Variants in FARP1 observed in about 807,000 individuals in gnomAD.
FARP1 encodes FERM, ARHGEF and pleckstrin domain-containing protein 1.
In FARP1, 52 loss-of-function variants were observed where a neutral mutation model predicts 128.8. The observed-to-expected ratio is 0.40, with a 90% CI of 0.32 to 0.51. FARP1 has a LOEUF of 0.51. Among genes scored for constraint, FARP1 ranks in the 20% least tolerant of loss-of-function variants. FARP1 has a pLI of 0.45. For missense variants in FARP1, 1,333 were observed against 1,367.9 expected, an observed-to-expected ratio of 0.97 and a Z score of 0.40; for synonymous variants, 580 against 551.8, an observed-to-expected ratio of 1.05 and a Z score of -0.72.
chr13:98,325,892 G>A (rs1040144193), intron 2 of FARP1, among the ~76,000 whole-genome samples: 14 of 152,176 alleles, frequency 9.2e-5, no homozygotes, highest in Non-Finnish European at 1.5e-4. Flanking sequence ...CCAAGACTCC[G>A]CAACAGCCAC....
chr13:98,166,243 G>C (rs2139146978), intron 1 of FARP1, among the ~76,000 whole-genome samples: 1 of 152,184 alleles, frequency 6.6e-6, no homozygotes, highest in African/African-American at 2.4e-5. Context: ...TATTTTGCTG[G>C]TCTAAATGAC....
chr13:98,301,697 G>C (rs1252516553), intron 2 of FARP1, among the ~76,000 whole-genome samples: 1 of 152,134 alleles, frequency 6.6e-6, no homozygotes, highest in African/African-American at 2.4e-5. Flanking sequence ...CTTTTGGGGG[G>C]AAATCAAGTC....
chr13:98,241,358 A>T (rs949056138), intron 2 of FARP1, among the ~76,000 whole-genome samples: 1 of 151,826 alleles, frequency 6.6e-6, no homozygotes, highest in African/African-American at 2.4e-5. Context: ...GGGCATTTTG[A>T]TGGGCAAGGC....
At chr13:98,310,758 G>A (rs745339035) in intron 2 of FARP1, among the ~76,000 whole-genome samples, 1 of 152,088 alleles carries the variant, frequency 6.6e-6, no homozygotes, top group Non-Finnish European at 1.5e-5. Flanking sequence ...AAGAAAGACA[G>A]TATTTTTGAG....
At chr13:98,189,391 A>C (rs1879084310) in intron 1 of FARP1, among the ~76,000 whole-genome samples, 1 of 152,126 alleles carries the variant, frequency 6.6e-6, no homozygotes, top group Non-Finnish European at 1.5e-5. Context: ...GGACTGTTTC[A>C]GACCAAGTTC....
intron 1 of FARP1, among the ~76,000 whole-genome samples, chr13:98,166,987 A>G (rs1877310995): frequency 6.6e-6 from 1 of 152,146 alleles, no homozygotes; most frequent in Admixed American, 6.5e-5. Context: ...TCGGCCTCCC[A>G]AAGTTCTGGG....
chr13:98,408,329 T>A (rs1891056010), intron 13 of FARP1, among the ~76,000 whole-genome samples: 1 of 143,804 alleles, frequency 7.0e-6, no homozygotes, highest in Non-Finnish European at 1.5e-5. Flanking sequence ...ATACTTTTTT[T>A]TTTTTTTTTT....
intron 19 of FARP1, among the ~76,000 whole-genome samples, chr13:98,438,352 C>A (rs141374338): frequency 6.6e-6 from 1 of 152,252 alleles, no homozygotes; most frequent in East Asian, 1.9e-4. Flanking sequence ...TTTTTATAGC[C>A]TCTTTCTTCT....
At chr13:98,336,638 G>A (rs1232485607) in intron 2 of FARP1, among the ~76,000 whole-genome samples, 1 of 152,172 alleles carries the variant, frequency 6.6e-6, no homozygotes, top group East Asian at 1.9e-4. Flanking sequence ...AGCTTGAAGC[G>A]CTGTGTGAAC....
rs746029827 is a variant in FARP1 at position 98,440,774 on chromosome 13, G to T, written c.2734G>T (p.Val912Leu). 1.9e-6 allele frequency: 3 copies of T among 1,613,216 alleles called. No homozygotes were observed. Among genetic ancestry groups the T allele is most frequent in the Admixed American group, 3.3e-5 (2 of 59,994 alleles). ...RQAPHRGNTM[V>L]HVCWHRNTSV... ...GGCCCCGCACCGCGGCAACACAATG[G>T]TGCACGTGTGCTGGCACCGCAACAC... is the stretch of plus-strand genomic sequence containing the variant. Residue 912 changes from valine to leucine, a missense_variant, in exon 24 of 27, where the codon GTG (valine) becomes TTG (leucine). By Grantham distance (32) the Val-to-Leu change is conservative. This residue lies in a region of FARP1 where 1,009 missense variants were observed against 969.8 expected (regional missense o/e 1.04). Transcript: ENST00000319562.
intron 1 of FARP1, among the ~76,000 whole-genome samples, chr13:98,164,682 T>C (rs896517205): frequency 3.3e-5 from 5 of 152,346 alleles, no homozygotes; most frequent in East Asian, 1.9e-4. Context: ...TTCATTGTTG[T>C]TCTGGCTTCC....
intron 1 of FARP1, among the ~76,000 whole-genome samples, chr13:98,192,170 A>G (rs1477944229): frequency 1.3e-5 from 2 of 152,132 alleles, no homozygotes; most frequent in Non-Finnish European, 2.9e-5. Flanking sequence ...TTTTGAGTGT[A>G]GACTGTTCTA....
chr13:98,223,964 C>T (rs568247710), intron 2 of FARP1, among the ~76,000 whole-genome samples: 17 of 152,264 alleles, frequency 1.1e-4, no homozygotes, highest in African/African-American at 3.9e-4. Context: ...TGTAATTTGC[C>T]TGTGACATGA....
At chr13:98,376,255 A>G (rs1404598139) in intron 5 of FARP1, among the ~76,000 whole-genome samples, 3 of 152,154 alleles carry the variant, frequency 2.0e-5, no homozygotes. Context: ...TTTTGGACCC[A>G]TTAACTATCC....
chr13:98,453,668 GAAC>G lies in FARP1; in HGVS notation c.*5355_*5357del, dbSNP rs1893312071. On this transcript the variant is annotated 3_prime_UTR_variant, in exon 27 of 27. Coordinates refer to ENST00000319562, the MANE Select transcript of FARP1 (RefSeq NM_005766.4). ...GCTTCCGAAATATGGTCCAAAGCAG[GAAC>G]AACGTGTCTGCACAAAGATGTCTCT... 6.5e-6 allele frequency: 1 copy of G among 153,978 alleles called. No individual in the cohort carries two copies. The highest frequency in any genetic ancestry group is 2.0e-4 in the South Asian group (1 of 4,938). 9.5% of individuals were successfully genotyped at this position (153,978 alleles called of 1,614,324 possible).
intron 2 of FARP1, among the ~76,000 whole-genome samples, chr13:98,278,292 A>G (rs1363724426): frequency 4.7e-5 from 7 of 149,342 alleles, no homozygotes; most frequent in Admixed American, 4.0e-4. Context: ...GTGTGTATGT[A>G]TGTGTGTGTG....
At chr13:98,405,722 T>A (rs948746789) in intron 13 of FARP1, 8 of 152,220 alleles carry the variant, frequency 5.3e-5, no homozygotes, top group African/African-American at 1.9e-4. Flanking sequence ...ATTGCCTTAA[T>A]AGCAGGTGCT....
At chr13:98,292,091 T>C (rs1360024908) in intron 2 of FARP1, among the ~76,000 whole-genome samples, 1 of 152,244 alleles carries the variant, frequency 6.6e-6, no homozygotes, top group Non-Finnish European at 1.5e-5. Context: ...CTGTTGACAT[T>C]TCCTGCTCTT....
chr13:98,402,436 C>T (rs555942338), intron 13 of FARP1: 5 of 152,336 alleles, frequency 3.3e-5, no homozygotes, highest in Non-Finnish European at 7.3e-5. Context: ...GATAGCTGGC[C>T]TTAAAGTGGG....
Sources: gnomAD v4.1 joint callset for allele counts (sites outside exome capture counted in the v4.1 genomes callset) on GRCh38, gnomAD v4.1.1 for gene constraint, gnomAD v4.1.1 regional missense constraint, MANE v1.5 for transcripts, NCBI Gene and HGNC (gene_info 2026-07-23, HGNC 2026-07-21) for gene names.